The following ZNF521 variants were observed in gnomAD, a reference collection of about 807,000 sequenced individuals.
ZNF521 encodes LYST-interacting protein 3.
A neutral mutation model predicts 105.5 loss-of-function variants in ZNF521; 14 were observed. That is an observed-to-expected ratio of 0.13 (90% CI 0.09 to 0.21). ZNF521 has a LOEUF of 0.21. ZNF521 is among the 10% of genes least tolerant of loss of function. ZNF521 has a pLI of 1.00. For missense variants in ZNF521, 1,233 were observed against 1,629.7 expected, an observed-to-expected ratio of 0.76 and a Z score of 4.19; for synonymous variants, 635 against 606.0, an observed-to-expected ratio of 1.05 and a Z score of -0.70.
chr18:25,234,804 T>A (rs186509746), intron 3 of ZNF521, among the ~76,000 whole-genome samples: 168 of 152,084 alleles, frequency 1.1e-3, no homozygotes, highest in East Asian at 5.6e-3. Flanking sequence ...ATTCTAAAAA[T>A]TTTTAATGAC....
At chr18:25,125,546 G>A (rs747057895) in intron 5 of ZNF521, among the ~76,000 whole-genome samples, 3 of 151,812 alleles carry the variant, frequency 2.0e-5, no homozygotes, top group Non-Finnish European at 2.9e-5. Context: ...TATGTTGTGT[G>A]TATTAAACAA....
At chr18:25,307,459 G>A (rs1912045420) in intron 3 of ZNF521, among the ~76,000 whole-genome samples, 2 of 152,128 alleles carry the variant, frequency 1.3e-5, no homozygotes, top group Admixed American at 1.3e-4. Context: ...CCCCTAGCTG[G>A]GTGATATCTG....
intron 3 of ZNF521, among the ~76,000 whole-genome samples, chr18:25,228,017 A>G (rs1906291500): frequency 6.6e-6 from 1 of 152,210 alleles, no homozygotes; most frequent in Non-Finnish European, 1.5e-5. Flanking sequence ...TAAAATGCAG[A>G]TTTTAATATA....
intron 7 of ZNF521, among the ~76,000 whole-genome samples, chr18:25,066,568 T>C (rs570121106): frequency 1.0e-3 from 156 of 152,312 alleles, no homozygotes; most frequent in Non-Finnish European, 1.7e-3. Flanking sequence ...TCAGTGTTTT[T>C]TGTGTTTTCT....
intron 5 of ZNF521, among the ~76,000 whole-genome samples, chr18:25,150,343 G>A (rs1600094416): frequency 6.6e-6 from 1 of 152,076 alleles, no homozygotes; most frequent in Non-Finnish European, 1.5e-5. Flanking sequence ...ATACTGCTTC[G>A]GTGATGGGTG....
At chr18:25,284,008 G>C (rs556376552) in intron 3 of ZNF521, among the ~76,000 whole-genome samples, 1 of 148,988 alleles carries the variant, frequency 6.7e-6, no homozygotes, top group African/African-American at 2.5e-5. Context: ...TGTCCTCCTT[G>C]TCTTTGTCTG....
chr18:25,263,885 A>G (rs991958242), intron 3 of ZNF521, among the ~76,000 whole-genome samples: 3 of 152,338 alleles, frequency 2.0e-5, no homozygotes, highest in South Asian at 2.1e-4. Flanking sequence ...GCCTAGGTCA[A>G]TAACTTTCTT....
chr18:25,274,237 T>C (rs1307300677), intron 3 of ZNF521, among the ~76,000 whole-genome samples: 1 of 152,170 alleles, frequency 6.6e-6, no homozygotes, highest in Admixed American at 6.5e-5. Flanking sequence ...GGAACCAGCA[T>C]ACCCACAAGA....
chr18:25,161,251 G>A (rs1011403485), intron 5 of ZNF521, among the ~76,000 whole-genome samples: 3 of 152,074 alleles, frequency 2.0e-5, no homozygotes, highest in Admixed American at 6.5e-5. Flanking sequence ...CCACACACAC[G>A]GTGGTTGGGG....
At chr18:25,081,860 G>A (rs888035385) in intron 7 of ZNF521, among the ~76,000 whole-genome samples, 3 of 152,158 alleles carry the variant, frequency 2.0e-5, no homozygotes, top group Non-Finnish European at 2.9e-5. Flanking sequence ...GGGTTGGAAC[G>A]GAGAGAGAAT....
chr18:25,283,210 CCCT>C (rs1233318782), intron 3 of ZNF521, among the ~76,000 whole-genome samples: 1 of 152,202 alleles, frequency 6.6e-6, no homozygotes, highest in Non-Finnish European at 1.5e-5. Context: ...TCCACCAGGC[CCCT>C]CACTTTGAAA....
intron 3 of ZNF521, among the ~76,000 whole-genome samples, chr18:25,255,982 CATGGTATATAT>C (rs1379709043): frequency 6.9e-6 from 1 of 145,296 alleles, no homozygotes; most frequent in Non-Finnish European, 1.5e-5. Context: ...ATGTTATATA[CATGGTATATAT>C]ATGGTATATA....
At chr18:25,150,446 GTAAATAAA>G (rs748381051) in intron 5 of ZNF521, among the ~76,000 whole-genome samples, 9 of 152,052 alleles carry the variant, frequency 5.9e-5, no homozygotes, top group Admixed American at 1.3e-4. Context: ...AAAATTATAG[GTAAATAAA>G]TAAATAAGTA....
intron 5 of ZNF521, among the ~76,000 whole-genome samples, chr18:25,121,694 T>C (rs148578813): frequency 1.3e-4 from 20 of 152,194 alleles, no homozygotes; most frequent in African/African-American, 4.6e-4. Flanking sequence ...GAGGAGAAAG[T>C]ACTGGGTAGA....
intron 4 of ZNF521, among the ~76,000 whole-genome samples, chr18:25,207,491 C>T (rs913752688): frequency 1.1e-4 from 17 of 152,156 alleles, no homozygotes; most frequent in African/African-American, 4.1e-4. Flanking sequence ...TTTCATTTCC[C>T]AGTGTACACT....
At chr18:25,190,711 C>T (rs910771291) in intron 5 of ZNF521, among the ~76,000 whole-genome samples, 11 of 152,150 alleles carry the variant, frequency 7.2e-5, no homozygotes, top group African/African-American at 2.7e-4. Context: ...AAACAAATTG[C>T]AGGAAGTATG....
At chr18:25,318,952 G>GAA (rs201816993) in intron 3 of ZNF521, among the ~76,000 whole-genome samples, 2 of 76,044 alleles carry the variant, frequency 2.6e-5, no homozygotes, top group Non-Finnish European at 3.6e-5. Flanking sequence ...AGAAAAAAAA[G>GAA]AAAAAAAAAA....
intron 2 of ZNF521, among the ~76,000 whole-genome samples, chr18:25,338,181 G>A (rs1034523184): frequency 4.0e-5 from 6 of 151,270 alleles, no homozygotes; most frequent in East Asian, 1.9e-4. Context: ...CCAGAGTACC[G>A]ATGCATCTCA....
In ZNF521 at chr18:25,226,031, A is replaced by G. The variant is rs1344479069; in HGVS notation, c.1887T>C (p.Arg629=). Residue 629 remains arginine, a synonymous_variant, in exon 4 of 8, where the codon CGT becomes CGC. Transcript: ENST00000361524. The surrounding 1 kb of genome is among the most constrained non-coding windows in gnomAD (Gnocchi z 4.1). ...GATTACAGATATATTCTCCAGTGGG[A>G]CGTGCAGGTGCACCTCCTACTGCCT... is the stretch of plus-strand genomic sequence containing the variant. ...MMQAVGGAPA[R]PTGEYICNQC... The G allele has an allele frequency of 6.2e-7, 1 of 1,614,226 alleles. No homozygotes were observed. The highest frequency in any genetic ancestry group is 1.1e-5 in the South Asian group (1 of 91,086).
Sources: gnomAD v4.1 joint callset for allele counts (sites outside exome capture counted in the v4.1 genomes callset) on GRCh38, gnomAD v4.1.1 for gene constraint, Gnocchi (gnomAD v3.1) non-coding constraint, MANE v1.5 for transcripts, NCBI Gene and HGNC (gene_info 2026-07-23, HGNC 2026-07-21) for gene names.